Variants in L3MBTL4 observed in about 807,000 individuals in gnomAD.
L3MBTL4 encodes the protein L3MBTL histone methyl-lysine binding protein 4.
A neutral mutation model predicts 84.5 loss-of-function variants in L3MBTL4; 70 were observed. That is an observed-to-expected ratio of 0.83 (90% CI 0.68 to 1.01). The LOEUF is 1.01. Ranked by LOEUF, L3MBTL4 falls within the 50% of genes least tolerant of loss-of-function variation. L3MBTL4 has a pLI of 0.00. For synonymous variants in L3MBTL4, 274 were observed against 259.8 expected (o/e 1.05, Z -0.52); for missense variants, 715 against 754.8 (o/e 0.95, Z 0.62).
At chr18:6,192,715 G>A (rs979842071) in intron 12 of L3MBTL4, among the ~76,000 whole-genome samples, 2 of 152,144 alleles carry the variant, frequency 1.3e-5, no homozygotes, top group African/African-American at 4.8e-5. Context: ...GTAACACTAC[G>A]TTTTGCAGTT....
At chr18:6,166,953 G>T (rs1389647534) in intron 13 of L3MBTL4, among the ~76,000 whole-genome samples, 1 of 152,040 alleles carries the variant, frequency 6.6e-6, no homozygotes, top group Non-Finnish European at 1.5e-5. Context: ...GAAGAAAAGA[G>T]AGAAGAATCA....
chr18:6,283,044 C>T (rs533908981), intron 4 of L3MBTL4, among the ~76,000 whole-genome samples: 2 of 152,326 alleles, frequency 1.3e-5, no homozygotes, highest in African/African-American at 4.8e-5. Context: ...CCCACAGGTA[C>T]AGGCTTTCCT....
In L3MBTL4 at chr18:6,031,027, A is replaced by G. The variant is rs571890197; in HGVS notation, c.1444+49854T>C. On this transcript the variant is annotated intron_variant, in intron 16 of 18. Transcript: ENST00000317931. ...AAGCTGGTCCATGTTTCCATTTTAT[A>G]GTTGCTCTCTGGCTGGACTGCTCCA... 8 of 985,362 alleles carry G rather than the reference A, an allele frequency of 8.1e-6. No homozygotes were observed. The East Asian group carries it at 6.8e-4, about 84-fold the overall frequency. The allele number at this position is 985,362 out of a possible 1,614,324, so 61.0% of individuals were successfully genotyped here. A position where few individuals can be genotyped will look rare whatever the true frequency, so the allele number is the denominator to read the frequency against.
chr18:6,379,244 A>T (rs548656211), intron 1 of L3MBTL4, among the ~76,000 whole-genome samples: 1 of 152,350 alleles, frequency 6.6e-6, no homozygotes, highest in East Asian at 1.9e-4. Flanking sequence ...TTCTAAATAC[A>T]CAATCATGTT....
intron 12 of L3MBTL4, among the ~76,000 whole-genome samples, chr18:6,209,757 TAAG>T (rs1240186491): frequency 1.3e-5 from 2 of 152,104 alleles, no homozygotes; most frequent in Non-Finnish European, 2.9e-5. Flanking sequence ...CATCAACTGA[TAAG>T]GAGATAAATA....
intron 12 of L3MBTL4, among the ~76,000 whole-genome samples, chr18:6,204,655 A>G (rs2045795870): frequency 6.6e-6 from 1 of 152,382 alleles, no homozygotes; most frequent in South Asian, 2.1e-4. Context: ...AAGGCATGTT[A>G]TATACTTTTT....
intron 1 of L3MBTL4, among the ~76,000 whole-genome samples, chr18:6,389,243 G>A (rs988875788): frequency 6.6e-6 from 1 of 152,064 alleles, no homozygotes; most frequent in African/African-American, 2.4e-5. Flanking sequence ...ACAAACAAAT[G>A]CTGAGGGAAT....
At position 6,012,384 on chromosome 18, in the gene L3MBTL4, G is replaced by C. The variant is rs144259564; in HGVS notation, c.1445-42822C>G. ...GACAAAAAGGAGATAAAGAAGAACTGCAGGTTTCAAATCTCTGGTGTAGAT... is the reference window on the plus strand; with the variant it reads ...GACAAAAAGGAGATAAAGAAGAACTCCAGGTTTCAAATCTCTGGTGTAGAT... On this transcript the variant is annotated intron_variant, in intron 16 of 18. Transcript: ENST00000317931. Among the ~76,000 whole-genome samples, 8 of 152,292 alleles carry C rather than the reference G, an allele frequency of 5.3e-5. No individual in the cohort carries two copies. In the East Asian group the frequency reaches 1.5e-3, roughly 29 times the overall value.
intron 13 of L3MBTL4, among the ~76,000 whole-genome samples, chr18:6,169,526 G>A (rs992039013): frequency 4.6e-5 from 7 of 152,238 alleles, no homozygotes; most frequent in South Asian, 4.1e-4. Context: ...CATGTCCTTT[G>A]TAGGAACATG....
intron 1 of L3MBTL4, among the ~76,000 whole-genome samples, chr18:6,349,173 T>C (rs1020579244): frequency 6.6e-6 from 1 of 152,210 alleles, no homozygotes; most frequent in Non-Finnish European, 1.5e-5. Context: ...ACATATCCTA[T>C]GACCTAACAA....
At chr18:6,195,702 A>T (rs2045345540) in intron 12 of L3MBTL4, among the ~76,000 whole-genome samples, 1 of 152,160 alleles carries the variant, frequency 6.6e-6, no homozygotes, top group African/African-American at 2.4e-5. Context: ...TGAGCGGAAA[A>T]CATTTTTAGA....
chr18:6,309,045 T>C (rs2050715368), intron 3 of L3MBTL4, among the ~76,000 whole-genome samples: 1 of 152,200 alleles, frequency 6.6e-6, no homozygotes. Flanking sequence ...AGGTATGAAA[T>C]TACTCTCTCA....
chr18:6,250,374 T>C (rs2047870159), intron 5 of L3MBTL4, among the ~76,000 whole-genome samples: 1 of 152,164 alleles, frequency 6.6e-6, no homozygotes, highest in Non-Finnish European at 1.5e-5. Flanking sequence ...CAATAATTAT[T>C]ATATGTGTGT....
intron 13 of L3MBTL4, among the ~76,000 whole-genome samples, chr18:6,143,478 C>A (rs889947937): frequency 1.3e-5 from 2 of 152,156 alleles, no homozygotes; most frequent in Non-Finnish European, 2.9e-5. Flanking sequence ...AGAAGCCATC[C>A]ACTAGGGAAA....
chr18:6,409,830 C>G (rs1005978657), intron 1 of L3MBTL4, among the ~76,000 whole-genome samples: 1 of 152,174 alleles, frequency 6.6e-6, no homozygotes, highest in African/African-American at 2.4e-5. Context: ...ATGATCCAAG[C>G]AAAGTTACCA....
Position 6,290,437 on chromosome 18 carries a change from C to A in L3MBTL4, c.127+11466G>T, listed in dbSNP as rs1346567237. On this transcript the variant is annotated intron_variant, in intron 4 of 18. Coordinates refer to ENST00000317931, the MANE Select transcript of L3MBTL4 (RefSeq NM_001330559.2). ...AATTAAGGATGTTTTCCATTTAATT[C>A]TCTGTATTGCTTTTCACAGCTTTTT... is the stretch of plus-strand genomic sequence containing the variant. Among the ~76,000 whole-genome samples, 4 of 152,088 alleles carry A rather than the reference C, an allele frequency of 2.6e-5. No individual in the cohort carries two copies. The East Asian group carries it at 7.7e-4, about 29-fold the overall frequency.
chr18:6,000,113 G>GA lies in L3MBTL4; in HGVS notation c.1445-30552dup, dbSNP rs990356379. Among the ~76,000 whole-genome samples the GA allele has an allele frequency of 3.9e-4, 58 of 149,426 alleles. No individual in the cohort carries two copies. The East Asian group carries it at 5.3e-3, about 14-fold the overall frequency. On this transcript the variant is annotated intron_variant, in intron 16 of 18. Coordinates refer to ENST00000317931, the MANE Select transcript of L3MBTL4 (RefSeq NM_001330559.2). ...GCTCAGAAAAAAGAAAGAAGAAAAA[G>GA]AAAAAAAAATGATATGGTGTTGTTA...
At chr18:6,053,220 C>A (rs935298196) in intron 16 of L3MBTL4, among the ~76,000 whole-genome samples, 6 of 152,020 alleles carry the variant, frequency 3.9e-5, no homozygotes, top group African/African-American at 1.5e-4. Flanking sequence ...TTTGTGATGG[C>A]AATAAACATA....
At position 6,036,987 on chromosome 18, in the gene L3MBTL4, G is replaced by C. The variant is rs372425762; in HGVS notation, c.1444+43894C>G. Among the ~76,000 whole-genome samples, 21 of 152,260 alleles carry C rather than the reference G, an allele frequency of 1.4e-4. No individual in the cohort carries two copies. In the East Asian group the frequency reaches 2.7e-3, roughly 20 times the overall value. On this transcript the variant is annotated intron_variant, in intron 16 of 18. Transcript: ENST00000317931. ...AAGAAAAGAGAAAAATGACGGGAAG[G>C]GGGTAAAAAATAAAAGTGCACTGGC...
Sources: allele counts gnomAD v4.1 joint callset (sites outside exome capture counted in the v4.1 genomes callset), GRCh38; gene constraint gnomAD v4.1.1; transcripts MANE v1.5; gene names NCBI Gene and HGNC (gene_info 2026-07-23, HGNC 2026-07-21).